ELMO1: variants seen among roughly 807,000 people sequenced by gnomAD.
ELMO1 encodes the protein engulfment and cell motility 1.
In ELMO1, 26 loss-of-function variants were observed where a neutral mutation model predicts 98.9. The observed-to-expected ratio is 0.26, with a 90% CI of 0.19 to 0.36. ELMO1 has a LOEUF of 0.36. Ranked by LOEUF, ELMO1 falls within the 10% of genes least tolerant of loss-of-function variation. The pLI is 1.00. For missense variants in ELMO1, 627 were observed against 935.2 expected, an observed-to-expected ratio of 0.67 and a Z score of 4.30; for synonymous variants, 346 against 346.0, an observed-to-expected ratio of 1.00 and a Z score of 0.00.
At chr7:36,929,238 C>T (rs1014877636) in intron 16 of ELMO1, among the ~76,000 whole-genome samples, 11 of 152,220 alleles carry the variant, frequency 7.2e-5, no homozygotes, top group African/African-American at 2.2e-4. Context: ...ACCACCAGCA[C>T]TGCACTGACT....
At chr7:37,034,400 T>A (rs1340354492) in intron 15 of ELMO1, among the ~76,000 whole-genome samples, 1 of 152,134 alleles carries the variant, frequency 6.6e-6, no homozygotes, top group Non-Finnish European at 1.5e-5. Flanking sequence ...TAATCATGAT[T>A]TTTTTAAAAA....
chr7:37,224,784 A>T, intron 9 of ELMO1, 95 bp downstream of exon 9: 1 of 1,511,746 alleles, frequency 6.6e-7, no homozygotes, highest in Non-Finnish European at 8.9e-7. Flanking sequence ...CTGTACATTT[A>T]ACCAAACTAT....
intron 1 of ELMO1, among the ~76,000 whole-genome samples, chr7:37,362,250 C>T (rs1801729647): frequency 6.6e-6 from 1 of 151,156 alleles, no homozygotes; most frequent in Admixed American, 6.6e-5. Flanking sequence ...TCCGTTACAT[C>T]CTTGTGCCAG....
intron 16 of ELMO1, among the ~76,000 whole-genome samples, chr7:36,987,509 C>A (rs774161339): frequency 4.6e-5 from 7 of 152,162 alleles, no homozygotes; most frequent in African/African-American, 7.2e-5. Flanking sequence ...GCCTTGGCAT[C>A]ATAACAACCT....
intron 12 of ELMO1, among the ~76,000 whole-genome samples, chr7:37,212,328 G>GA (rs1419065624): frequency 6.6e-6 from 1 of 152,152 alleles, no homozygotes; most frequent in East Asian, 1.9e-4. Context: ...CTAACAATGT[G>GA]AATGTACTTA....
chr7:37,114,201 C>T (rs1246475860), intron 14 of ELMO1, among the ~76,000 whole-genome samples: 1 of 152,186 alleles, frequency 6.6e-6, no homozygotes, highest in Non-Finnish European at 1.5e-5. Context: ...TCTTTCCTAA[C>T]GTTCTGGCTA....
chr7:37,429,700 G>A (rs765281202), intron 1 of ELMO1: 3 of 152,252 alleles, frequency 2.0e-5, no homozygotes, highest in African/African-American at 4.8e-5. Context: ...CTTGCACAGA[G>A]GCATGAACTA....
rs541347961 is a variant in ELMO1, at chr7:37,155,385, A to G, written c.1087-22151T>C. ...GACTGGCAAACTGGATAAAGAGTCA[A>G]GACCTATTGGTATGCTGTATTCAGG... On this transcript the variant is annotated intron_variant, in intron 13 of 21. Coordinates refer to ENST00000310758, the MANE Select transcript of ELMO1 (RefSeq NM_014800.11). 9.9e-5 allele frequency among the ~76,000 whole-genome samples: 15 copies of G among 152,070 alleles called. No homozygotes were observed. The East Asian group carries it at 1.9e-3, about 20-fold the overall frequency.
intron 13 of ELMO1, among the ~76,000 whole-genome samples, chr7:37,173,460 A>AC (rs1387932953): frequency 6.6e-6 from 1 of 152,278 alleles, no homozygotes; most frequent in Non-Finnish European, 1.5e-5. Context: ...CTCGGATTAT[A>AC]CATTGGACCT....
chr7:37,225,758 A>T (rs1319519367), intron 8 of ELMO1, among the ~76,000 whole-genome samples: 6 of 152,214 alleles, frequency 3.9e-5, no homozygotes, highest in Non-Finnish European at 1.5e-5. Flanking sequence ...TCACAATGTG[A>T]GCGGAAAATA....
At chr7:36,875,874 C>A (rs1584288827) in intron 19 of ELMO1, among the ~76,000 whole-genome samples, 1 of 152,174 alleles carries the variant, frequency 6.6e-6, no homozygotes, top group East Asian at 1.9e-4. Context: ...TGTGCTAACA[C>A]CTGGCAAACC....
chr7:36,951,656 A>G (rs891371962), intron 16 of ELMO1, among the ~76,000 whole-genome samples: 1 of 152,234 alleles, frequency 6.6e-6, no homozygotes, highest in Non-Finnish European at 1.5e-5. Context: ...TGTTGGTCCA[A>G]GGACCACAGT....
chr7:37,324,507 G>C (rs183257309), intron 2 of ELMO1, among the ~76,000 whole-genome samples: 71 of 152,260 alleles, frequency 4.7e-4, no homozygotes, highest in Middle Eastern at 3.4e-3. Flanking sequence ...CACGAGAAAA[G>C]GTTTTAGAAT....
intron 16 of ELMO1, among the ~76,000 whole-genome samples, chr7:36,897,526 G>C (rs1170734777): frequency 6.6e-6 from 1 of 152,104 alleles, no homozygotes; most frequent in East Asian, 1.9e-4. Flanking sequence ...AGTCCAAGAG[G>C]AGGACCAGCT....
chr7:37,160,355 G>C (rs908547450), intron 13 of ELMO1, among the ~76,000 whole-genome samples: 1 of 152,180 alleles, frequency 6.6e-6, no homozygotes, highest in East Asian at 1.9e-4. Context: ...CTCCACAAAT[G>C]AATCTTTCCT....
At chr7:36,887,463 T>C in intron 18 of ELMO1, 97 bp downstream of exon 18, 1 of 1,101,996 alleles carries the variant, frequency 9.1e-7, no homozygotes, top group Non-Finnish European at 1.3e-6. Flanking sequence ...CAATGCTGCA[T>C]GGCCTACCCG....
chr7:37,240,619 A>G (rs1476252355), intron 7 of ELMO1, among the ~76,000 whole-genome samples: 2 of 152,148 alleles, frequency 1.3e-5, no homozygotes, highest in African/African-American at 4.8e-5. Context: ...TTAATGCTAC[A>G]AATTTCCCCC....
chr7:36,906,381 C>G (rs1481579094), intron 16 of ELMO1, among the ~76,000 whole-genome samples: 1 of 152,184 alleles, frequency 6.6e-6, no homozygotes, highest in Non-Finnish European at 1.5e-5. Context: ...ATTGAAAACA[C>G]CATTTTAGTT....
chr7:36,893,381 C>A (rs1365872085), intron 17 of ELMO1, among the ~76,000 whole-genome samples: 2 of 152,158 alleles, frequency 1.3e-5, no homozygotes, highest in African/African-American at 4.8e-5. Flanking sequence ...AGGACCAATG[C>A]AAAACCCCAG....
Sources: allele counts gnomAD v4.1 joint callset (sites outside exome capture counted in the v4.1 genomes callset), GRCh38; gene constraint gnomAD v4.1.1; transcripts MANE v1.5; gene names NCBI Gene and HGNC (gene_info 2026-07-23, HGNC 2026-07-21).